The following INSC variants were observed in gnomAD, a reference collection of about 807,000 sequenced individuals.
INSC encodes INSC spindle orientation adaptor protein.
In INSC, 67 loss-of-function variants were observed where a neutral mutation model predicts 58.6. The observed-to-expected ratio is 1.14, with a 90% confidence interval of 0.94 to 1.40. The LOEUF (loss-of-function observed/expected upper bound fraction) is 1.40. Among genes scored for constraint, INSC ranks in the 40% most tolerant of loss-of-function variants. The pLI, the probability that INSC is intolerant of heterozygous loss-of-function variation, is 0.00. For missense variants in INSC, 714 were observed against 692.0 expected, an observed-to-expected ratio of 1.03 and a Z score of -0.36; for synonymous variants, 262 against 276.1, an observed-to-expected ratio of 0.95 and a Z score of 0.51.
chr11:15,241,259 A>G (rs1285691644), intron 12 of INSC, among the ~76,000 whole-genome samples: 5 of 152,210 alleles, frequency 3.3e-5, no homozygotes, highest in Non-Finnish European at 5.9e-5. Context: ...ACAACCCTTA[A>G]CTTCCAGAAG....
chr11:15,256,547 T>G, the INSC span, among the ~76,000 whole-genome samples: 1 of 150,908 alleles, frequency 6.6e-6, no homozygotes, highest in East Asian at 1.9e-4. Context: ...TGGAGTACAG[T>G]GGCAAGATCT....
At chr11:15,140,690 C>T (rs1714357) in intron 1 of INSC, among the ~76,000 whole-genome samples, 1 of 151,840 alleles carries the variant, frequency 6.6e-6, no homozygotes, top group Non-Finnish European at 1.5e-5. Context: ...GCAGTCCCCC[C>T]ACCTCAGCCT....
At chr11:15,186,023 G>T (rs1280008890) in intron 5 of INSC, among the ~76,000 whole-genome samples, 2 of 152,098 alleles carry the variant, frequency 1.3e-5, no homozygotes, top group African/African-American at 4.8e-5. Flanking sequence ...TTACTAGAGG[G>T]TTGCTTAAAC....
chr11:15,166,112 C>T (rs1268649132), intron 2 of INSC, among the ~76,000 whole-genome samples: 1 of 152,142 alleles, frequency 6.6e-6, no homozygotes, highest in African/African-American at 2.4e-5. Context: ...AGAGATACTG[C>T]TTAATGTTTT....
At chr11:15,216,256 G>T (rs1196864421) in intron 7 of INSC, among the ~76,000 whole-genome samples, 2 of 152,158 alleles carry the variant, frequency 1.3e-5, no homozygotes, top group Non-Finnish European at 2.9e-5. Flanking sequence ...AGGAGATCAG[G>T]GCAAGATGGA....
chr11:15,179,230 C>T (rs933173622), intron 5 of INSC, among the ~76,000 whole-genome samples: 1 of 152,194 alleles, frequency 6.6e-6, no homozygotes, highest in Non-Finnish European at 1.5e-5. Context: ...GTGTTTAGCA[C>T]ATAGTGTGGG....
At chr11:15,244,958 C>T (rs1200610131) in intron 12 of INSC, among the ~76,000 whole-genome samples, 1 of 152,210 alleles carries the variant, frequency 6.6e-6, no homozygotes, top group Non-Finnish European at 1.5e-5. Context: ...TTTCAGGTTG[C>T]TCTATCAGCA....
intron 6 of INSC, among the ~76,000 whole-genome samples, chr11:15,194,825 G>T (rs1457651235): frequency 6.6e-6 from 1 of 152,166 alleles, no homozygotes; most frequent in East Asian, 1.9e-4. Flanking sequence ...CCCCACAGTG[G>T]TGACTTCTGG....
intron 1 of INSC, among the ~76,000 whole-genome samples, chr11:15,115,938 TA>T (rs1210967113): frequency 6.6e-6 from 1 of 152,192 alleles, no homozygotes; most frequent in Non-Finnish European, 1.5e-5. Flanking sequence ...TTGCCCCTTT[TA>T]ATCTATATAT....
intron 9 of INSC, among the ~76,000 whole-genome samples, chr11:15,232,665 G>A (rs1268069071): frequency 6.6e-6 from 1 of 152,144 alleles, no homozygotes; most frequent in African/African-American, 2.4e-5. Flanking sequence ...TTCTAGATGC[G>A]ATTGAGTTAA....
Position 15,176,037 on chromosome 11 carries a change from T to C in INSC, c.353T>C (p.Val118Ala). The change falls in exon 3 of 13, where the codon GTC (valine) becomes GCC (alanine). Residue 118 changes from valine (V) to alanine (A), a missense_variant. By Grantham distance (64) the Val-to-Ala change is moderately conservative (BLOSUM62 0). Transcript: ENST00000379556. ...VRLTCHARSM[V>A]SEYSAVSRNS... ...CTGACCTGCCATGCCCGCTCCATGGTCAGCGAGTACAGTGCTGTCAGCAGG... is the reference window on the plus strand; with the variant it reads ...CTGACCTGCCATGCCCGCTCCATGGCCAGCGAGTACAGTGCTGTCAGCAGG... 1 of 1,573,376 alleles carries C rather than the reference T, an allele frequency of 6.4e-7. No homozygotes were observed. The highest frequency in any genetic ancestry group is 8.7e-7 in the Non-Finnish European group (1 of 1,155,948).
chr11:15,167,015 G>T (rs997194568), intron 2 of INSC, among the ~76,000 whole-genome samples: 9 of 151,862 alleles, frequency 5.9e-5, no homozygotes, highest in Non-Finnish European at 1.0e-4. Flanking sequence ...TACTGTAAAG[G>T]TTCAATAAAA....
chr11:15,206,041 G>T (rs1425443261), intron 7 of INSC, among the ~76,000 whole-genome samples: 1 of 152,226 alleles, frequency 6.6e-6, no homozygotes, highest in East Asian at 1.9e-4. Flanking sequence ...CATCTGGGCT[G>T]CAGCCTCCCT....
chr11:15,262,190 T>C, the INSC span, among the ~76,000 whole-genome samples: 1 of 152,010 alleles, frequency 6.6e-6, no homozygotes, highest in Non-Finnish European at 1.5e-5. Flanking sequence ...CATTTTCCAA[T>C]AATAAGACAG....
chr11:15,223,113 A>C (rs2133936132), intron 8 of INSC, among the ~76,000 whole-genome samples: 1 of 152,358 alleles, frequency 6.6e-6, no homozygotes, highest in African/African-American at 2.4e-5. Flanking sequence ...GCACTGTCTA[A>C]AGGTGTGGTC....
intron 2 of INSC, among the ~76,000 whole-genome samples, chr11:15,156,224 A>G (rs1366523975): frequency 6.6e-6 from 1 of 152,248 alleles, no homozygotes; most frequent in Non-Finnish European, 1.5e-5. Flanking sequence ...AATTTTCCTC[A>G]GAAAGAAACC....
intron 7 of INSC, among the ~76,000 whole-genome samples, chr11:15,210,502 A>G (rs73426551): frequency 0.032 from 2,204 of 68,846 alleles, 53 homozygotes; most frequent in African/African-American, 0.12. Context: ...TGCATTTGAG[A>G]GTTTGTGTGT....
At chr11:15,116,793 T>C (rs1271094455) in intron 1 of INSC, among the ~76,000 whole-genome samples, 1 of 142,764 alleles carries the variant, frequency 7.0e-6, no homozygotes, top group East Asian at 2.0e-4. Flanking sequence ...TTCCTTTCTT[T>C]TCTTTTCTTT....
At chr11:15,212,193 C>T (rs1175214422) in intron 7 of INSC, among the ~76,000 whole-genome samples, 1 of 152,160 alleles carries the variant, frequency 6.6e-6, no homozygotes, top group African/African-American at 2.4e-5. Context: ...CCTCCGCCTC[C>T]CGGGTTCAAG....
Sources: allele counts gnomAD v4.1 joint callset (sites outside exome capture counted in the v4.1 genomes callset), GRCh38; gene constraint gnomAD v4.1.1; transcripts MANE v1.5; gene names NCBI Gene and HGNC (gene_info 2026-07-23, HGNC 2026-07-21).